Variants in LRRC37A2 observed in about 807,000 individuals in gnomAD.
LRRC37A2 encodes leucine-rich repeat-containing protein 37A2.
Under a neutral mutation model 68.8 loss-of-function variants are expected in LRRC37A2, and 9 were observed. The observed-to-expected ratio is 0.13, with a 90% CI of 0.08 to 0.23. The LOEUF is 0.23. Ranked by LOEUF, LRRC37A2 falls within the 10% of genes least tolerant of loss-of-function variation. The pLI is 1.00. For synonymous variants in LRRC37A2, 63 were observed against 367.6 expected (o/e 0.17, Z 9.48); for missense variants, 168 against 950.4 (o/e 0.18, Z 10.82).
At chr17:46,534,892 G>T (rs1419919124) in intron 6 of LRRC37A2, among the ~76,000 whole-genome samples, 1 of 149,722 alleles carries the variant, frequency 6.7e-6, no homozygotes, top group Non-Finnish European at 1.5e-5. Context: ...CTCAGACGGG[G>T]CGGCTGCTGG....
the LRRC37A2 span, among the ~76,000 whole-genome samples, chr17:46,922,079 A>C: frequency 6.6e-6 from 1 of 152,242 alleles, no homozygotes; most frequent in Non-Finnish European, 1.5e-5. Context: ...ACCTGGAACC[A>C]ACCCAAATGT....
the LRRC37A2 span, among the ~76,000 whole-genome samples, chr17:46,687,320 A>G: frequency 6.8e-6 from 1 of 146,326 alleles, no homozygotes; most frequent in Non-Finnish European, 1.5e-5. Context: ...TCAGTTGTGT[A>G]TATCTTGTTC....
the LRRC37A2 span, chr17:46,751,550 A>C: frequency 6.2e-7 from 1 of 1,614,116 alleles, no homozygotes. Context: ...TTGCACAGCA[A>C]GTCAAAGGGA....
At chr17:46,383,809 C>CT in the LRRC37A2 span, among the ~76,000 whole-genome samples, 189 of 18,288 alleles carry the variant, frequency 0.01, 2 homozygotes, top group African/African-American at 0.026. Flanking sequence ...TATAATTACC[C>CT]TTTTTTTTTT....
At chr17:46,717,465 C>A in the LRRC37A2 span, among the ~76,000 whole-genome samples, 8 of 152,158 alleles carry the variant, frequency 5.3e-5, no homozygotes, top group Non-Finnish European at 1.0e-4. Context: ...GTAATCCCAG[C>A]ACTTTGGGAG....
chr17:46,816,786 C>T, the LRRC37A2 span, among the ~76,000 whole-genome samples: 1 of 152,198 alleles, frequency 6.6e-6, no homozygotes, highest in Non-Finnish European at 1.5e-5. Flanking sequence ...GCCGCCAAAC[C>T]TTTCCTTCCT....
the LRRC37A2 span, among the ~76,000 whole-genome samples, chr17:46,972,285 T>A: frequency 6.6e-6 from 1 of 152,326 alleles, no homozygotes; most frequent in African/African-American, 2.4e-5. Context: ...CTCCCTGCTG[T>A]CCTTTCATAT....
the LRRC37A2 span, among the ~76,000 whole-genome samples, chr17:46,568,942 C>CTTTT: frequency 2.8e-5 from 2 of 71,180 alleles, no homozygotes; most frequent in African/African-American, 5.1e-5. Context: ...TTTTTTTTCT[C>CTTTT]TTTTTTTTTT....
At chr17:46,956,872 G>A in the LRRC37A2 span, among the ~76,000 whole-genome samples, 2 of 152,214 alleles carry the variant, frequency 1.3e-5, no homozygotes, top group South Asian at 4.1e-4. Context: ...TCCACAGCGA[G>A]CATGTGGCAA....
chr17:46,888,418 G>A, the LRRC37A2 span, among the ~76,000 whole-genome samples: 1 of 152,198 alleles, frequency 6.6e-6, no homozygotes, highest in Non-Finnish European at 1.5e-5. Context: ...TATGGTTGCT[G>A]TCATTGGCAG....
the LRRC37A2 span, among the ~76,000 whole-genome samples, chr17:46,781,872 G>A: frequency 6.6e-6 from 1 of 152,146 alleles, no homozygotes; most frequent in African/African-American, 2.4e-5. Context: ...GCCCAGAGAG[G>A]TTTGTCATTT....
the LRRC37A2 span, among the ~76,000 whole-genome samples, chr17:46,994,438 G>A: frequency 6.6e-6 from 1 of 151,964 alleles, no homozygotes; most frequent in African/African-American, 2.4e-5. Context: ...TGGGGAGGGT[G>A]GGAAGAGGAC....
the LRRC37A2 span, among the ~76,000 whole-genome samples, chr17:47,001,717 C>CTTTT: frequency 5.5e-4 from 60 of 108,618 alleles, no homozygotes; most frequent in Non-Finnish European, 7.3e-4. Flanking sequence ...CTCTTTTTTC[C>CTTTT]TTTTTTTTTT....
At chr17:46,808,188 C>T in the LRRC37A2 span, among the ~76,000 whole-genome samples, 1 of 152,186 alleles carries the variant, frequency 6.6e-6, no homozygotes, top group Non-Finnish European at 1.5e-5. Context: ...TGATCAAGGT[C>T]GCCCCTTACC....
At chr17:46,869,486 C>T in the LRRC37A2 span, among the ~76,000 whole-genome samples, 1 of 152,314 alleles carries the variant, frequency 6.6e-6, no homozygotes, top group East Asian at 1.9e-4. Flanking sequence ...CCACCCACTC[C>T]ATGCCAGAAG....
At chr17:46,537,068 T>C (rs1248137163) in intron 6 of LRRC37A2, among the ~76,000 whole-genome samples, 1 of 5,920 alleles carries the variant, frequency 1.7e-4, no homozygotes, top group African/African-American at 2.2e-4. Flanking sequence ...AAAAAGTTTA[T>C]TGTGGTCAAT....
the LRRC37A2 span, among the ~76,000 whole-genome samples, chr17:46,805,349 G>T: frequency 8.9e-4 from 135 of 152,262 alleles, no homozygotes; most frequent in African/African-American, 3.1e-3. Flanking sequence ...GAGGTGGGCG[G>T]GTCACCTGAG....
At chr17:46,755,177 C>G in the LRRC37A2 span, 1 of 660,822 alleles carries the variant, frequency 1.5e-6, no homozygotes, top group Non-Finnish European at 2.8e-6. Flanking sequence ...GAATGCTGGT[C>G]AAGGAGCAGG....
chr17:46,949,651 A>G, the LRRC37A2 span, among the ~76,000 whole-genome samples: 1 of 152,184 alleles, frequency 6.6e-6, no homozygotes, highest in Non-Finnish European at 1.5e-5. Context: ...AAGTGCACAA[A>G]CCGTCACACA....
Sources: allele counts gnomAD v4.1 joint callset (sites outside exome capture counted in the v4.1 genomes callset), GRCh38; gene constraint gnomAD v4.1.1; transcripts MANE v1.5; gene names NCBI Gene and HGNC (gene_info 2026-07-23, HGNC 2026-07-21).